Variants in GNB1 observed in about 807,000 individuals in gnomAD.
GNB1 encodes the protein G protein subunit beta 1, also known as guanine nucleotide-binding protein G(I)/G(S)/G(T) subunit beta-1.
In GNB1, 2 loss-of-function variants were observed where a neutral mutation model predicts 42.9. That is an observed-to-expected ratio of 0.05 (90% CI 0.02 to 0.15). GNB1 has a LOEUF of 0.15. GNB1 is among the 10% of genes least tolerant of loss of function. The pLI, the probability that GNB1 is intolerant of heterozygous loss-of-function variation, is 1.00. For missense variants in GNB1, 193 were observed against 462.2 expected (o/e 0.42, Z 5.34); for synonymous variants, 183 against 174.7 (o/e 1.05, Z -0.38).
intron 3 of GNB1, among the ~76,000 whole-genome samples, chr1:1,824,733 C>A (rs1646974393): frequency 1.3e-5 from 2 of 152,122 alleles, no homozygotes; most frequent in South Asian, 4.1e-4. Flanking sequence ...CCACCACACC[C>A]AGCTAATTTT....
intron 1 of GNB1, among the ~76,000 whole-genome samples, chr1:1,886,850 T>C (rs1290809471): frequency 6.6e-6 from 1 of 152,080 alleles, no homozygotes; most frequent in Admixed American, 6.6e-5. Context: ...GGATTACAGG[T>C]GCCCAGCACC....
chr1:1,807,153 A>T (rs1347671906), intron 5 of GNB1, among the ~76,000 whole-genome samples: 1 of 152,058 alleles, frequency 6.6e-6, no homozygotes. Context: ...ACATCATTTC[A>T]TAAGTGTTTC....
intron 1 of GNB1, among the ~76,000 whole-genome samples, chr1:1,855,264 T>A (rs1174373265): frequency 1.1e-4 from 15 of 140,424 alleles, no homozygotes; most frequent in Admixed American, 9.5e-4. Flanking sequence ...GAAGCTGCAG[T>A]GAGCTGAGAT....
chr1:1,796,806 G>T (rs542586074), intron 7 of GNB1, among the ~76,000 whole-genome samples: 73 of 152,320 alleles, frequency 4.8e-4, no homozygotes, highest in African/African-American at 1.7e-3. Flanking sequence ...GGTCATATAG[G>T]CAGTGGGTGT....
At chr1:1,832,335 G>A (rs11589067) in intron 2 of GNB1, 8,133 of 152,146 alleles carry the variant, frequency 0.053, 299 homozygotes, top group Non-Finnish European at 0.078. Flanking sequence ...CTCCGGTGCC[G>A]ACGTCACGGC....
At chr1:1,883,210 T>G (rs1649951160) in intron 1 of GNB1, among the ~76,000 whole-genome samples, 1 of 145,942 alleles carries the variant, frequency 6.9e-6, no homozygotes, top group Admixed American at 7.1e-5. Context: ...AGGTCCAGGC[T>G]GCAGTGAACC....
chr1:1,886,101 C>G (rs1360104934), intron 1 of GNB1, among the ~76,000 whole-genome samples: 1 of 151,682 alleles, frequency 6.6e-6, no homozygotes, highest in African/African-American at 2.4e-5. Flanking sequence ...CACCGGAGGT[C>G]AGGAGTTCAA....
In GNB1 at chr1:1,815,806, C is replaced by T. The variant is rs1305568944; in HGVS notation, c.153G>A (p.Leu51=). The T allele has an allele frequency of 6.2e-7, 1 of 1,611,580 alleles. No homozygotes were observed. Among genetic ancestry groups the T allele is most frequent in the Non-Finnish European group, 8.5e-7 (1 of 1,177,824 alleles). Residue 51 remains leucine, a synonymous_variant, in exon 5 of 12, where the codon CTG becomes CTA. Transcript: ENST00000378609. Reference sequence around the variant, plus strand: ...CGTAGATCTTGGCCAGGTGCCCCCGCAGTGTCCTCCTCGTGCGCATTTGGA... The same window carrying T: ...CGTAGATCTTGGCCAGGTGCCCCCGTAGTGTCCTCCTCGTGCGCATTTGGA... ...GRIQMRTRRT[L]RGHLAKIYAM...
chr1:1,874,573 C>T (rs921151727), intron 1 of GNB1, among the ~76,000 whole-genome samples: 14 of 135,968 alleles, frequency 1.0e-4, no homozygotes, highest in African/African-American at 3.9e-4. Flanking sequence ...CACCACTGCA[C>T]TCCAGCCTGG....
At chr1:1,829,748 T>G (rs938031687) in intron 2 of GNB1, among the ~76,000 whole-genome samples, 5 of 152,108 alleles carry the variant, frequency 3.3e-5, no homozygotes, top group African/African-American at 1.2e-4. Context: ...CTTTTTTCTT[T>G]TTTTTTTGAG....
At chr1:1,789,463 C>T (rs915856901) in intron 9 of GNB1, among the ~76,000 whole-genome samples, 194 bp from the exon 10 acceptor site, 6 of 152,058 alleles carry the variant, frequency 3.9e-5, no homozygotes, top group East Asian at 1.9e-4. Context: ...GAGGCTGACG[C>T]GGGTGGATCA....
Position 1,790,159 on chromosome 1 carries a change from C to T in GNB1, c.699+236G>A, listed in dbSNP as rs1290918821. ...TTCCCCTCCAGGATCCCAACCACTG[C>T]TCAGCTGTAGAGGTGGGAACGGGGA... On this transcript the variant is annotated intron_variant, in intron 9 of 11. Coordinates refer to ENST00000378609, the MANE Select transcript of GNB1 (RefSeq NM_002074.5). The surrounding 1 kb of genome is among the most constrained non-coding windows in gnomAD (Gnocchi z 5.4). Among the ~76,000 whole-genome samples the T allele has an allele frequency of 6.6e-6, 1 of 152,168 alleles. No homozygotes were observed. The highest frequency in any genetic ancestry group is 1.5e-5 in the Non-Finnish European group (1 of 68,032).
intron 1 of GNB1, among the ~76,000 whole-genome samples, chr1:1,842,218 C>G (rs1647268521): frequency 1.3e-5 from 2 of 152,192 alleles, no homozygotes; most frequent in South Asian, 2.1e-4. Flanking sequence ...ATCACAAGGT[C>G]AGCAGATTGA....
At chr1:1,842,078 C>T (rs1280527790) in intron 1 of GNB1, among the ~76,000 whole-genome samples, 3 of 152,138 alleles carry the variant, frequency 2.0e-5, no homozygotes, top group Non-Finnish European at 4.4e-5. Flanking sequence ...GAAGGTGAGG[C>T]GGGTGGATCA....
At chr1:1,857,055 G>A (rs1261824464) in intron 1 of GNB1, among the ~76,000 whole-genome samples, 4 of 152,116 alleles carry the variant, frequency 2.6e-5, no homozygotes, top group Non-Finnish European at 4.4e-5. Context: ...TCAAAATCCT[G>A]CTGATTAATG....
At position 1,785,340 on chromosome 1, in the gene GNB1, G is replaced by GT. The variant is rs1321069208; in HGVS notation, c.*1722dup. On this transcript the variant is annotated 3_prime_UTR_variant, in exon 12 of 12. Transcript: ENST00000378609. ...TTAAATAACAGTACAGTTTAATATAGTATCTATCTTGCATCCAGCTTCCTT... is the reference window on the plus strand; with the variant it reads ...TTAAATAACAGTACAGTTTAATATAGTTATCTATCTTGCATCCAGCTTCCTT... 6.6e-6 allele frequency: 1 copy of GT among 152,646 alleles called. No individual in the cohort carries two copies. Among genetic ancestry groups the GT allele is most frequent in the Non-Finnish European group, 1.5e-5 (1 of 68,062 alleles). 9.5% of individuals were successfully genotyped at this position (152,646 alleles called of 1,614,324 possible). A position where few individuals can be genotyped will look rare whatever the true frequency, so the allele number is the denominator to read the frequency against.
intron 1 of GNB1, among the ~76,000 whole-genome samples, chr1:1,874,518 A>G (rs1446385696): frequency 6.7e-6 from 1 of 150,162 alleles, no homozygotes; most frequent in African/African-American, 2.4e-5. Flanking sequence ...GAGGCAGGAG[A>G]ACTGCTTGAA....
At chr1:1,798,056 G>C (rs1257917639) in intron 7 of GNB1, among the ~76,000 whole-genome samples, 1 of 152,244 alleles carries the variant, frequency 6.6e-6, no homozygotes, top group Non-Finnish European at 1.5e-5. Context: ...GCCCTGCACC[G>C]AGGCATGCAC....
chr1:1,833,166 G>C (rs971575044), intron 2 of GNB1, among the ~76,000 whole-genome samples: 1 of 152,124 alleles, frequency 6.6e-6, no homozygotes, highest in Non-Finnish European at 1.5e-5. Flanking sequence ...GACAACTTCC[G>C]AAGTCCAAAC....
Sources: allele counts gnomAD v4.1 joint callset (sites outside exome capture counted in the v4.1 genomes callset), GRCh38; gene constraint gnomAD v4.1.1; non-coding constraint Gnocchi (gnomAD v3.1); transcripts MANE v1.5; gene names NCBI Gene and HGNC (gene_info 2026-07-23, HGNC 2026-07-21).